Variants in ARID2 observed in about 807,000 individuals in gnomAD.
ARID2 encodes AT-rich interactive domain-containing protein 2.
In ARID2, 32 loss-of-function variants were observed where a neutral mutation model predicts 184.6. That is an observed-to-expected ratio of 0.17 (90% CI 0.13 to 0.23). ARID2 has a LOEUF of 0.23. Among genes scored for constraint, ARID2 ranks in the 10% least tolerant of loss-of-function variants. ARID2 has a pLI of 1.00. For synonymous variants in ARID2, 836 were observed against 772.6 expected (o/e 1.08, Z -1.36); for missense variants, 1,696 against 2,197.6 (o/e 0.77, Z 4.56).
chr12:45,854,486 C>T (rs1338017972), intron 15 of ARID2, among the ~76,000 whole-genome samples: 1 of 152,170 alleles, frequency 6.6e-6, no homozygotes, highest in East Asian at 1.9e-4. Flanking sequence ...TTTATTCAAG[C>T]TTCCACATGT....
intron 15 of ARID2, among the ~76,000 whole-genome samples, chr12:45,858,018 C>T (rs893630665): frequency 1.3e-5 from 2 of 152,212 alleles, no homozygotes; most frequent in Admixed American, 6.5e-5. Context: ...CCTTGGCCTC[C>T]CAAAGTGCTG....
intron 11 of ARID2, 56 bp downstream of exon 11, chr12:45,839,552 C>A (rs2138138140): frequency 6.5e-7 from 1 of 1,539,460 alleles, no homozygotes; most frequent in South Asian, 1.3e-5. Context: ...AAGATTTGAT[C>A]CTAAGAATAA....
intron 6 of ARID2, among the ~76,000 whole-genome samples, chr12:45,827,339 C>T (rs1943022416): frequency 6.6e-6 from 1 of 151,914 alleles, no homozygotes; most frequent in South Asian, 2.1e-4. Context: ...TAAGAATTAT[C>T]GGATTAATAG....
chr12:45,905,953 T>A lies in ARID2; in HGVS notation c.*875T>A. On this transcript the variant is annotated 3_prime_UTR_variant, in exon 21 of 21. Coordinates refer to ENST00000334344, the MANE Select transcript of ARID2 (RefSeq NM_152641.4). ...TTTTTCTTTTTTCTTTTTTTTTTTC[T>A]TTTTTTTTTTGTATTATACACCTTG... 1.2e-5 allele frequency: 2 copies of A among 170,610 alleles called. No homozygotes were observed. Among genetic ancestry groups the A allele is most frequent in the Non-Finnish European group, 2.3e-5 (2 of 87,408 alleles). 10.6% of individuals were successfully genotyped at this position (170,610 alleles called of 1,614,324 possible).
intron 3 of ARID2, among the ~76,000 whole-genome samples, chr12:45,803,127 GCTTTC>G (rs1427057871): frequency 6.6e-6 from 1 of 152,062 alleles, no homozygotes; most frequent in Non-Finnish European, 1.5e-5. Flanking sequence ...CCATGTTAGA[GCTTTC>G]CTTTAATGAC....
chr12:45,847,003 G>A (rs894251267), intron 12 of ARID2, 66 bp downstream of exon 12: 2 of 1,389,632 alleles, frequency 1.4e-6, no homozygotes, highest in Admixed American at 1.8e-5. Flanking sequence ...AAAAGGAAAT[G>A]TATTCTACAG....
chr12:45,899,516 G>A (rs28477927), intron 20 of ARID2, among the ~76,000 whole-genome samples: 1 of 150,302 alleles, frequency 6.7e-6, no homozygotes, highest in East Asian at 1.9e-4. Context: ...TGAGGCAGGA[G>A]AATGGCGTGA....
At chr12:45,750,591 T>G (rs1358332127) in intron 3 of ARID2, among the ~76,000 whole-genome samples, 5 of 152,322 alleles carry the variant, frequency 3.3e-5, no homozygotes, top group Admixed American at 6.5e-5. Flanking sequence ...CTGTATTGAC[T>G]TTGTTTTAAA....
At chr12:45,766,383 G>C (rs1352717368) in intron 3 of ARID2, among the ~76,000 whole-genome samples, 1 of 151,764 alleles carries the variant, frequency 6.6e-6, no homozygotes, top group Non-Finnish European at 1.5e-5. Flanking sequence ...GGCCGAGCTG[G>C]TCTTGAACTC....
At chr12:45,871,657 G>C (rs1943928014) in intron 16 of ARID2, among the ~76,000 whole-genome samples, 1 of 152,110 alleles carries the variant, frequency 6.6e-6, no homozygotes, top group Non-Finnish European at 1.5e-5. Flanking sequence ...TCTATTGTCT[G>C]GTAGGGAGTA....
intron 16 of ARID2, among the ~76,000 whole-genome samples, chr12:45,864,492 T>C (rs1175245913): frequency 6.6e-6 from 1 of 152,054 alleles, no homozygotes; most frequent in East Asian, 1.9e-4. Flanking sequence ...TCCATCCCTC[T>C]TAATTTTTTT....
At chr12:45,835,568 C>T (rs1232496339) in intron 6 of ARID2, among the ~76,000 whole-genome samples, 1 of 151,752 alleles carries the variant, frequency 6.6e-6, no homozygotes, top group Admixed American at 6.6e-5. Flanking sequence ...TACTATAGTT[C>T]ATTGCTTAAT....
At chr12:45,805,798 A>G (rs913347330) in intron 3 of ARID2, among the ~76,000 whole-genome samples, 1 of 152,142 alleles carries the variant, frequency 6.6e-6, no homozygotes, top group Non-Finnish European at 1.5e-5. Context: ...AATTTCAAAT[A>G]AAGTATATAA....
Position 45,837,002 on chromosome 12 carries a change from G to T in ARID2, c.1023+11G>T, listed in dbSNP as rs1943231172. 1.2e-6 allele frequency: 2 copies of T among 1,608,624 alleles called. No homozygotes were observed. Among genetic ancestry groups the T allele is most frequent in the South Asian group, 2.2e-5 (2 of 89,928 alleles). ...AATATTGCAGCTGAGGTAAGCATGTGACTGTACCTTAAACTAGTTTTTATA... is the reference window on the plus strand; with the variant it reads ...AATATTGCAGCTGAGGTAAGCATGTTACTGTACCTTAAACTAGTTTTTATA... On this transcript the variant is annotated intron_variant, in intron 8 of 20. Coordinates refer to ENST00000334344, the MANE Select transcript of ARID2 (RefSeq NM_152641.4).
chr12:45,877,172 A>G (rs1216771861), intron 16 of ARID2, among the ~76,000 whole-genome samples: 1 of 152,054 alleles, frequency 6.6e-6, no homozygotes, highest in Non-Finnish European at 1.5e-5. Context: ...GTATTGCTAT[A>G]CAGGTACTGG....
rs559824592 is a variant in ARID2, at chr12:45,773,043, A to G, written c.285-38375A>G. Among the ~76,000 whole-genome samples, 31 of 152,310 alleles carry G rather than the reference A, an allele frequency of 2.0e-4. No homozygotes were observed. The South Asian group carries it at 3.1e-3, about 15-fold the overall frequency. Reference sequence around the variant, plus strand: ...GAAACCTTATTACATTTAAAAAGAAATAATACAAAGCATGTTTTCAAAGCA... The same window carrying G: ...GAAACCTTATTACATTTAAAAAGAAGTAATACAAAGCATGTTTTCAAAGCA... On this transcript the variant is annotated intron_variant, in intron 3 of 20. Coordinates refer to ENST00000334344, the MANE Select transcript of ARID2 (RefSeq NM_152641.4).
intron 16 of ARID2, among the ~76,000 whole-genome samples, chr12:45,864,828 CCTT>C (rs1943808775): frequency 1.3e-5 from 2 of 152,058 alleles, no homozygotes; most frequent in Admixed American, 6.6e-5. Context: ...CAGTCATTTG[CCTT>C]CTTTGAGGAA....
intron 3 of ARID2, among the ~76,000 whole-genome samples, chr12:45,790,549 A>G (rs529889536): frequency 3.9e-4 from 59 of 152,250 alleles, no homozygotes; most frequent in African/African-American, 1.4e-3. Flanking sequence ...TTATTCCTAG[A>G]TACTTAATTG....
chr12:45,799,219 C>T (rs1253071671), intron 3 of ARID2, among the ~76,000 whole-genome samples: 1 of 152,116 alleles, frequency 6.6e-6, no homozygotes, highest in Non-Finnish European at 1.5e-5. Flanking sequence ...CAATGTCTGG[C>T]ACATAGTAAG....
Sources: gnomAD v4.1 joint callset for allele counts (sites outside exome capture counted in the v4.1 genomes callset) on GRCh38, gnomAD v4.1.1 for gene constraint, MANE v1.5 for transcripts, NCBI Gene and HGNC (gene_info 2026-07-23, HGNC 2026-07-21) for gene names.